PDSS2: variants seen among roughly 807,000 people sequenced by gnomAD.
The protein encoded by PDSS2 is decaprenyl diphosphate synthase subunit 2.
In PDSS2, 31 loss-of-function variants were observed where a neutral mutation model predicts 44.5. The observed-to-expected ratio is 0.70, with a 90% CI of 0.52 to 0.94. The LOEUF is 0.94. PDSS2 is among the 40% of genes least tolerant of loss of function. The probability of loss-of-function intolerance (pLI) is 0.00; values close to 1 mark genes in which losing one functional copy is unlikely to be tolerated. For missense variants in PDSS2, 452 were observed against 482.2 expected (o/e 0.94, Z 0.59); for synonymous variants, 157 against 180.3 (o/e 0.87, Z 1.03).
In PDSS2 at chr6:107,420,695, T is replaced by C. The variant is rs1780797239; in HGVS notation, c.296+38295A>G. Among the ~76,000 whole-genome samples, 3 of 152,130 alleles carry C rather than the reference T, an allele frequency of 2.0e-5. No individual in the cohort carries two copies. The South Asian group carries it at 6.2e-4, about 32-fold the overall frequency. On this transcript the variant is annotated intron_variant, in intron 1 of 7. Transcript: ENST00000369037. ...CATACAAAGATCAATGCAAAAAGGA[T>C]CACGGATTTATGTAAAATGTGAACC...
chr6:107,406,796 ATACTCT>A (rs1439840788), intron 1 of PDSS2, among the ~76,000 whole-genome samples: 2 of 152,244 alleles, frequency 1.3e-5, no homozygotes, highest in Admixed American at 1.3e-4. Flanking sequence ...GGAAATCACT[ATACTCT>A]TAAAGTTAAG....
At chr6:107,361,067 G>C (rs1034879043) in intron 1 of PDSS2, among the ~76,000 whole-genome samples, 1 of 151,940 alleles carries the variant, frequency 6.6e-6, no homozygotes. Context: ...CATGATATAT[G>C]ATAAATACCC....
intron 1 of PDSS2, among the ~76,000 whole-genome samples, chr6:107,346,836 T>C (rs1363894920): frequency 6.6e-6 from 1 of 152,254 alleles, no homozygotes; most frequent in African/African-American, 2.4e-5. Flanking sequence ...ATTTTTCTCC[T>C]GAACATTTCC....
chr6:107,262,682 G>C (rs998333906), intron 3 of PDSS2, among the ~76,000 whole-genome samples: 13 of 152,194 alleles, frequency 8.5e-5, no homozygotes, highest in African/African-American at 3.1e-4. Context: ...TGAGGTAGGA[G>C]AATCACTTGA....
intron 2 of PDSS2, among the ~76,000 whole-genome samples, chr6:107,296,239 T>C (rs559921069): frequency 2.0e-5 from 3 of 152,316 alleles, no homozygotes; most frequent in South Asian, 4.1e-4. Context: ...ATGGTGAGAA[T>C]AGTCCTGAGC....
chr6:107,175,243 C>G (rs1771748117), intron 7 of PDSS2, among the ~76,000 whole-genome samples: 1 of 151,376 alleles, frequency 6.6e-6, no homozygotes, highest in Non-Finnish European at 1.5e-5. Flanking sequence ...CTCTCTCTCT[C>G]TCGCTCTATC....
At position 107,207,975 on chromosome 6, in the gene PDSS2, C is replaced by CTTGTTTTT. The variant is rs1554253981; in HGVS notation, c.1008+2456_1008+2463dup. The stretch of plus-strand genomic sequence containing the variant: ...TGTTTTTAGTTTTCTCTGTCTATGA[C>CTTGTTTTT]TTGTTTTTTTTTTTTTTTTTTTTTT... On this transcript the variant is annotated intron_variant, in intron 6 of 7. Coordinates refer to ENST00000369037, the MANE Select transcript of PDSS2 (RefSeq NM_020381.4). Among the ~76,000 whole-genome samples the CTTGTTTTT allele has an allele frequency of 7.3e-5, 5 of 68,214 alleles. No homozygotes were observed. In the East Asian group the frequency reaches 2.6e-3, roughly 36 times the overall value. 44.8% of individuals were successfully genotyped at this position (68,214 alleles called of 152,430 possible).
chr6:107,248,843 A>G (rs756298057), intron 3 of PDSS2, among the ~76,000 whole-genome samples: 7 of 152,208 alleles, frequency 4.6e-5, no homozygotes, highest in Non-Finnish European at 1.0e-4. Flanking sequence ...TCTTCACATG[A>G]ACCTTTCCCT....
At chr6:107,266,286 G>A (rs1306161805) in intron 3 of PDSS2, among the ~76,000 whole-genome samples, 1 of 152,024 alleles carries the variant, frequency 6.6e-6, no homozygotes, top group East Asian at 1.9e-4. Context: ...CATCTATTAC[G>A]ATTAAAAGAG....
At chr6:107,368,074 T>G (rs1427973447) in intron 1 of PDSS2, among the ~76,000 whole-genome samples, 2 of 151,772 alleles carry the variant, frequency 1.3e-5, no homozygotes, top group Non-Finnish European at 2.9e-5. Flanking sequence ...ATGGAGACCA[T>G]CTTGGCCAAC....
intron 2 of PDSS2, among the ~76,000 whole-genome samples, chr6:107,301,087 A>G (rs1161568713): frequency 6.6e-6 from 1 of 152,244 alleles, no homozygotes; most frequent in Non-Finnish European, 1.5e-5. Flanking sequence ...TTAAGTCCAC[A>G]TTACAATTAA....
chr6:107,226,202 G>A (rs564228450), intron 4 of PDSS2, among the ~76,000 whole-genome samples: 1 of 152,118 alleles, frequency 6.6e-6, no homozygotes, highest in Non-Finnish European at 1.5e-5. Flanking sequence ...CCAGCTACTC[G>A]GGAGGCTGAG....
intron 2 of PDSS2, among the ~76,000 whole-genome samples, chr6:107,327,115 T>G (rs1777572572): frequency 6.6e-6 from 1 of 152,216 alleles, no homozygotes; most frequent in Non-Finnish European, 1.5e-5. Flanking sequence ...TGAATATGTG[T>G]GTCCCAGGAC....
At chr6:107,278,446 A>G (rs900538089) in intron 2 of PDSS2, among the ~76,000 whole-genome samples, 1 of 152,210 alleles carries the variant, frequency 6.6e-6, no homozygotes, top group Non-Finnish European at 1.5e-5. Context: ...CCTGCGAATG[A>G]TTTCTAGTTT....
At chr6:107,199,237 C>A (rs1562369399) in intron 6 of PDSS2, among the ~76,000 whole-genome samples, 2 of 152,180 alleles carry the variant, frequency 1.3e-5, no homozygotes, top group Non-Finnish European at 2.9e-5. Context: ...CAGAACAGAT[C>A]AAAATGTGTG....
At chr6:107,327,789 T>C (rs1471920861) in intron 2 of PDSS2, among the ~76,000 whole-genome samples, 1 of 152,228 alleles carries the variant, frequency 6.6e-6, no homozygotes, top group Non-Finnish European at 1.5e-5. Flanking sequence ...AAATATATTA[T>C]ATTGCTTCAC....
chr6:107,295,941 T>A (rs1048367264), intron 2 of PDSS2, among the ~76,000 whole-genome samples: 2 of 152,196 alleles, frequency 1.3e-5, no homozygotes, highest in African/African-American at 4.8e-5. Context: ...GTGGGAAGAT[T>A]ATGCATCTCC....
chr6:107,416,383 C>T (rs762278040), intron 1 of PDSS2, among the ~76,000 whole-genome samples: 1 of 152,132 alleles, frequency 6.6e-6, no homozygotes, highest in Non-Finnish European at 1.5e-5. Context: ...TTTATGATTA[C>T]AGGCTGATTA....
chr6:107,369,700 C>A (rs920828877), intron 1 of PDSS2, among the ~76,000 whole-genome samples: 1 of 152,090 alleles, frequency 6.6e-6, no homozygotes, highest in East Asian at 1.9e-4. Context: ...CCATACACAG[C>A]TGTGAAAATA....
Sources: gnomAD v4.1 joint callset for allele counts (sites outside exome capture counted in the v4.1 genomes callset) on GRCh38, gnomAD v4.1.1 for gene constraint, MANE v1.5 for transcripts, NCBI Gene and HGNC (gene_info 2026-07-23, HGNC 2026-07-21) for gene names.